The following AMBRA1 variants were observed in gnomAD, a reference collection of about 807,000 sequenced individuals.
AMBRA1 encodes the protein autophagy and beclin 1 regulator 1.
Under a neutral mutation model 125.4 loss-of-function variants are expected in AMBRA1, and 47 were observed. That is an observed-to-expected ratio of 0.37 (90% CI 0.30 to 0.48). The LOEUF is 0.48. AMBRA1 is among the 20% of genes least tolerant of loss of function. The probability of loss-of-function intolerance (pLI) is 0.99; values close to 1 mark genes in which losing one functional copy is unlikely to be tolerated. For missense variants in AMBRA1, 1,331 were observed against 1,693.4 expected (o/e 0.79, Z 3.76); for synonymous variants, 626 against 655.5 (o/e 0.95, Z 0.69).
chr11:46,565,417 T>G (rs2135253926), intron 1 of AMBRA1, among the ~76,000 whole-genome samples: 1 of 152,124 alleles, frequency 6.6e-6, no homozygotes, highest in Non-Finnish European at 1.5e-5. Flanking sequence ...AGACAAAAAC[T>G]TGTTATCAGC....
intron 14 of AMBRA1, among the ~76,000 whole-genome samples, chr11:46,429,597 G>A (rs1947352186): frequency 6.6e-6 from 1 of 152,146 alleles, no homozygotes; most frequent in Non-Finnish European, 1.5e-5. Context: ...CACTTACTGA[G>A]ATACAAACTA....
intron 1 of AMBRA1, among the ~76,000 whole-genome samples, chr11:46,586,128 TG>T (rs2135334283): frequency 6.6e-6 from 1 of 152,302 alleles, no homozygotes; most frequent in Admixed American, 6.5e-5. Flanking sequence ...TTTTTAAAAC[TG>T]GACGCACTGG....
intron 12 of AMBRA1, among the ~76,000 whole-genome samples, chr11:46,442,160 G>C (rs1948045174): frequency 6.7e-6 from 1 of 149,006 alleles, no homozygotes; most frequent in South Asian, 2.1e-4. Flanking sequence ...GTTTTTTTTT[G>C]GAGATAGGGT....
intron 11 of AMBRA1, among the ~76,000 whole-genome samples, chr11:46,460,408 G>A (rs1055950180): frequency 1.3e-5 from 2 of 150,378 alleles, no homozygotes; most frequent in African/African-American, 2.5e-5. Context: ...TGCAAGCTCC[G>A]CCTCCCGGGT....
chr11:46,418,455 G>A (rs1013964590), intron 14 of AMBRA1, among the ~76,000 whole-genome samples: 18 of 149,944 alleles, frequency 1.2e-4, no homozygotes, highest in African/African-American at 3.9e-4. Flanking sequence ...CAACGTGCAG[G>A]TTTGTTACAT....
At position 46,433,471 on chromosome 11, in the gene AMBRA1, C is replaced by T. The variant is rs1215039828; in HGVS notation, c.2976+3G>A. The T allele has an allele frequency of 6.2e-7, 1 of 1,613,694 alleles. No individual in the cohort carries two copies. Among genetic ancestry groups the T allele is most frequent in the Non-Finnish European group, 8.5e-7 (1 of 1,179,730 alleles). ...CAGTGAAGGCACAAGCAATGGCACT[C>T]ACCCTCATGGAGGTCTCTCCACCAT... is the stretch of plus-strand genomic sequence containing the variant. On this transcript the variant is annotated splice_donor_region_variant and intron_variant, in intron 14 of 17. Coordinates refer to ENST00000683756, the MANE Select transcript of AMBRA1 (RefSeq NM_001387011.1).
At chr11:46,433,200 GAAGT>G (rs1053603924) in intron 14 of AMBRA1, among the ~76,000 whole-genome samples, 2 of 152,206 alleles carry the variant, frequency 1.3e-5, no homozygotes, top group Non-Finnish European at 2.9e-5. Context: ...GTTTCACGTA[GAAGT>G]AAGGAAGTAT....
chr11:46,468,012 GA>G (rs960027059), intron 11 of AMBRA1, among the ~76,000 whole-genome samples: 8 of 152,294 alleles, frequency 5.3e-5, no homozygotes, highest in Admixed American at 3.3e-4. Context: ...CTAGAATAGT[GA>G]GAAGAGATCC....
chr11:46,494,215 TA>T lies in AMBRA1; in HGVS notation c.2340-12del. The T allele has an allele frequency of 6.3e-7, 1 of 1,588,896 alleles. No homozygotes were observed. Among genetic ancestry groups the T allele is most frequent in the Non-Finnish European group, 8.6e-7 (1 of 1,165,300 alleles). On this transcript the variant is annotated splice_polypyrimidine_tract_variant and intron_variant, in intron 9 of 17. Coordinates refer to ENST00000683756, the MANE Select transcript of AMBRA1 (RefSeq NM_001387011.1). Reference sequence around the variant, plus strand: ...CTGTCACCATTGTCCCTGAAAAAAATAAAAACACTACACATAAGAGAGTCAC... The same window carrying T: ...CTGTCACCATTGTCCCTGAAAAAAATAAAACACTACACATAAGAGAGTCAC...
intron 4 of AMBRA1, 108 bp downstream of exon 4, chr11:46,547,005 A>C: frequency 2.0e-6 from 2 of 1,011,460 alleles, no homozygotes; most frequent in Non-Finnish European, 2.9e-6. Context: ...TGGGAGACGG[A>C]GGTTGCAGCG....
chr11:46,540,122 G>A (rs1052827544), intron 7 of AMBRA1, among the ~76,000 whole-genome samples: 8 of 152,106 alleles, frequency 5.3e-5, no homozygotes, highest in Admixed American at 1.3e-4. Context: ...GTGAGCCACC[G>A]TGCCCGGCAG....
chr11:46,580,150 G>A (rs1565320394), intron 1 of AMBRA1, among the ~76,000 whole-genome samples: 1 of 152,158 alleles, frequency 6.6e-6, no homozygotes, highest in Non-Finnish European at 1.5e-5. Context: ...TCTCTGTGCT[G>A]ACAAATCCAA....
chr11:46,592,082 A>AT (rs751775365), intron 1 of AMBRA1, among the ~76,000 whole-genome samples: 14 of 150,090 alleles, frequency 9.3e-5, no homozygotes, highest in Non-Finnish European at 8.9e-5. Context: ...AGTAGCTGGG[A>AT]TTACAGGCAT....
Position 46,494,110 on chromosome 11 carries a change from A to G in AMBRA1, c.2420+14T>C, listed in dbSNP as rs150402312. The G allele has an allele frequency of 2.9e-4, 461 of 1,597,426 alleles. 1 individual carries two copies. The African/African-American group carries it at 3.7e-3, about 13-fold the overall frequency. ...AACGAAGGCTCCCTCTGTTGCTAGC[A>G]ACTCGGTTCTTACCTTGGGACAAAG... On this transcript the variant is annotated intron_variant, in intron 10 of 17. Coordinates refer to ENST00000683756, the MANE Select transcript of AMBRA1 (RefSeq NM_001387011.1).
At chr11:46,506,294 C>T (rs139982477) in intron 9 of AMBRA1, among the ~76,000 whole-genome samples, 2 of 152,330 alleles carry the variant, frequency 1.3e-5, no homozygotes, top group Non-Finnish European at 2.9e-5. Context: ...ATTTGCCACA[C>T]CACTGCTACT....
chr11:46,471,713 C>T (rs1244938364), intron 11 of AMBRA1, among the ~76,000 whole-genome samples: 2 of 151,680 alleles, frequency 1.3e-5, no homozygotes, highest in African/African-American at 4.8e-5. Context: ...CTGCAACCTC[C>T]ACCTCCGAGG....
intron 4 of AMBRA1, among the ~76,000 whole-genome samples, chr11:46,546,548 G>A (rs1021931101): frequency 5.3e-5 from 8 of 151,890 alleles, no homozygotes; most frequent in Admixed American, 1.3e-4. Context: ...ATGTCACAAC[G>A]GGCTGAAGGA....
chr11:46,530,867 G>A (rs1436564057), intron 7 of AMBRA1, among the ~76,000 whole-genome samples: 1 of 152,064 alleles, frequency 6.6e-6, no homozygotes, highest in Admixed American at 6.5e-5. Flanking sequence ...TTGGAACACA[G>A]CCACACTCTC....
Position 46,494,132 on chromosome 11 carries a change from A to G in AMBRA1, c.2412T>C (p.Phe804=). Reference sequence around the variant, plus strand: ...AGCAACTCGGTTCTTACCTTGGGACAAAGCGTCCAAGCGAAGGTGCAGACA... The same window carrying G: ...AGCAACTCGGTTCTTACCTTGGGACGAAGCGTCCAAGCGAAGGTGCAGACA... ...ARMSAPSLGR[F]VPRRFLLPEY... The change falls in exon 10 of 18, where the codon TTT becomes TTC. Residue 804 remains phenylalanine, a synonymous_variant. Transcript: ENST00000683756. 2 of 1,606,722 alleles carry G rather than the reference A, an allele frequency of 1.2e-6. No homozygotes were observed. Among genetic ancestry groups the G allele is most frequent in the Non-Finnish European group, 1.7e-6 (2 of 1,175,940 alleles).
Sources: allele counts gnomAD v4.1 joint callset (sites outside exome capture counted in the v4.1 genomes callset), GRCh38; gene constraint gnomAD v4.1.1; transcripts MANE v1.5; gene names NCBI Gene and HGNC (gene_info 2026-07-23, HGNC 2026-07-21).